PRDM2: variants seen among roughly 807,000 people sequenced by gnomAD.
The protein encoded by PRDM2 is PR/SET domain 2, also known as PR domain zinc finger protein 2.
In PRDM2, 30 loss-of-function variants were observed where a neutral mutation model predicts 130.0. The ratio of observed to expected loss-of-function variants is 0.23; its 90% confidence interval spans 0.17 to 0.31. The LOEUF is 0.31. Among genes scored for constraint, PRDM2 ranks in the 10% least tolerant of loss-of-function variants. The probability of loss-of-function intolerance (pLI) is 1.00; values close to 1 mark genes in which losing one functional copy is unlikely to be tolerated. For missense variants in PRDM2, 2,011 were observed against 2,108.4 expected (o/e 0.95, Z 0.90); for synonymous variants, 871 against 782.4 (o/e 1.11, Z -1.89).
chr1:13,750,432 TTTC>T (rs1301908093), intron 6 of PRDM2, among the ~76,000 whole-genome samples: 1 of 152,108 alleles, frequency 6.6e-6, no homozygotes, highest in Non-Finnish European at 1.5e-5. Flanking sequence ...CTTAAGTAGA[TTTC>T]TTTTTAGTCA....
In PRDM2 at chr1:13,731,063, G is replaced by A; in HGVS notation, c.73G>A (p.Gly25Arg). ...LAEVPEHVLRGLPEEVRLFPS... is the reference protein window; with the variant it reads ...LAEVPEHVLRRLPEEVRLFPS... The stretch of plus-strand genomic sequence containing the variant: ...TGAGGTACCCGAACATGTGCTGCGA[G>A]GACTTCCGGAGGAAGTGAGGCTTTT... The change falls in exon 3 of 10, where the codon GGA (glycine) becomes AGA (arginine). Residue 25 changes from glycine to arginine, a missense_variant. Physicochemically the swap from Gly to Arg is moderately radical, Grantham distance 125. This residue lies in a region of PRDM2 where 79 missense variants were observed against 93.6 expected (regional missense o/e 0.84). Transcript: ENST00000311066. The A allele has an allele frequency of 6.2e-7, 1 of 1,613,050 alleles. No homozygotes were observed. Among genetic ancestry groups the A allele is most frequent in the Non-Finnish European group, 8.5e-7 (1 of 1,179,690 alleles).
Position 13,782,073 on chromosome 1 carries a change from T to A in PRDM2, c.4278T>A (p.Asn1426Lys). Reference protein sequence around the residue: ...KLKLNALKKKNQLVQKAILQK... With the variant: ...KLKLNALKKKKQLVQKAILQK... ...AATTAAATGCATTGAAGAAAAAAAA[T>A]CAGCTAGTACAGAAAGCAATTCTTC... Residue 1426 changes from asparagine (N) to lysine (K), a missense_variant, in exon 8 of 10, where the codon AAT becomes AAA. Physicochemically the swap from Asn to Lys is moderately conservative, Grantham distance 94. Transcript: ENST00000311066. The A allele has an allele frequency of 6.2e-7, 1 of 1,613,664 alleles. No individual in the cohort carries two copies. The highest frequency in any genetic ancestry group is 8.5e-7 in the Non-Finnish European group (1 of 1,179,918).
chr1:13,779,987 G>C lies in PRDM2; in HGVS notation c.2192G>C (p.Ser731Thr), dbSNP rs753209815. Residue 731 changes from serine to threonine, a missense_variant, in exon 8 of 10, where the codon AGT becomes ACT. By Grantham distance (58) the Ser-to-Thr change is moderately conservative. This residue lies in a region of PRDM2 where 1,288 missense variants were observed against 1,237.7 expected (regional missense o/e 1.04). Coordinates refer to ENST00000311066, the MANE Select transcript of PRDM2 (RefSeq NM_001393986.1). This position sits in a 1 kb window ranked among gnomAD's most constrained non-coding sequence, Gnocchi z 4.9. ...GCATCAATGTTGCCTGTGACCTCAA[G>C]TAGGTTTAAGAGGCGGACCAGCTCT... ...APASMLPVTS[S>T]RFKRRTSSPP... The C allele has an allele frequency of 1.2e-6, 2 of 1,614,210 alleles. No individual in the cohort carries two copies. Among genetic ancestry groups the C allele is most frequent in the East Asian group, 4.5e-5 (2 of 44,882 alleles).
intron 6 of PRDM2, among the ~76,000 whole-genome samples, chr1:13,757,399 C>CT (rs1643982969): frequency 6.6e-6 from 1 of 152,088 alleles, no homozygotes; most frequent in African/African-American, 2.4e-5. Flanking sequence ...TAAGACATTG[C>CT]TTTTGCCTAA....
intron 7 of PRDM2, among the ~76,000 whole-genome samples, chr1:13,775,483 C>T (rs973726225): frequency 3.9e-4 from 59 of 152,278 alleles, no homozygotes; most frequent in Non-Finnish European, 5.9e-4. Flanking sequence ...TGACTGGTTT[C>T]CCACTTTGTG....
At chr1:13,751,191 A>G (rs1643824346) in intron 6 of PRDM2, among the ~76,000 whole-genome samples, 1 of 152,204 alleles carries the variant, frequency 6.6e-6, no homozygotes, top group African/African-American at 2.4e-5. Context: ...TATTAGTGAT[A>G]TATGAACTTA....
At chr1:13,715,376 A>G (rs79054615) in intron 1 of PRDM2, among the ~76,000 whole-genome samples, 165 bp from the exon 2 acceptor site, 2,743 of 152,338 alleles carry the variant, frequency 0.018, 64 homozygotes, top group South Asian at 0.12. Flanking sequence ...TTTACTGGAG[A>G]TAATAAATCT....
At chr1:13,762,651 C>G (rs1644126466) in intron 6 of PRDM2, among the ~76,000 whole-genome samples, 1 of 152,174 alleles carries the variant, frequency 6.6e-6, no homozygotes, top group South Asian at 2.1e-4. Context: ...AGCCTCAGCT[C>G]AAGGACAATG....
intron 7 of PRDM2, among the ~76,000 whole-genome samples, chr1:13,777,634 C>CT (rs752788881): frequency 9.8e-5 from 1 of 10,242 alleles, no homozygotes; most frequent in Non-Finnish European, 1.9e-4. Context: ...CTCCTCCTCC[C>CT]ACCCCCCCCC....
In PRDM2 at chr1:13,780,482, A is replaced by G. The variant is rs756985448; in HGVS notation, c.2687A>G (p.Tyr896Cys). ...CTGCAGAAGGTTCTTCTCAATGAAT[A>G]TAATGGCATCGATTTACCTGTAGAA... is the stretch of plus-strand genomic sequence containing the variant. ...CMLQKVLLNEYNGIDLPVENP... is the reference protein window; with the variant it reads ...CMLQKVLLNECNGIDLPVENP... Residue 896 changes from tyrosine (Y) to cysteine (C), a missense_variant, in exon 8 of 10, where the codon TAT (tyrosine) becomes TGT (cysteine). Tyr to Cys is a radical substitution (Grantham distance 194, BLOSUM62 -2). This residue lies in a region of PRDM2 where 1,288 missense variants were observed against 1,237.7 expected (regional missense o/e 1.04). Coordinates refer to ENST00000311066, the MANE Select transcript of PRDM2 (RefSeq NM_001393986.1). 4 of 1,614,238 alleles carry G rather than the reference A, an allele frequency of 2.5e-6. No individual in the cohort carries two copies. The South Asian group carries it at 4.4e-5, about 18-fold the overall frequency.
chr1:13,782,215 G>A lies in PRDM2; in HGVS notation c.4420G>A (p.Ala1474Thr), dbSNP rs778540114. ...TTACATTGGAAGCCTGAATAAACAC[G>A]CCGCCTTCAGCTGTCCCAAAAAACC... The part of the protein sequence containing the change: ...FTYIGSLNKH[A>T]AFSCPKKPLS... The change falls in exon 8 of 10, where the codon GCC becomes ACC. Residue 1474 changes from alanine to threonine, a missense_variant. Transcript: ENST00000311066. The A allele has an allele frequency of 1.2e-5, 19 of 1,612,936 alleles. No individual in the cohort carries two copies. The highest frequency in any genetic ancestry group is 1.2e-4 in the Admixed American group (7 of 59,758).
At chr1:13,805,866 A>G (rs1184085203) in intron 8 of PRDM2, among the ~76,000 whole-genome samples, 1 of 152,088 alleles carries the variant, frequency 6.6e-6, no homozygotes, top group Non-Finnish European at 1.5e-5. Context: ...AGCTTGGAAG[A>G]GCACCGTGGC....
intron 1 of PRDM2, among the ~76,000 whole-genome samples, chr1:13,701,907 A>G (rs887125030): frequency 6.6e-6 from 1 of 152,224 alleles, no homozygotes; most frequent in Non-Finnish European, 1.5e-5. Flanking sequence ...AAAGGTTGGT[A>G]TGTTCAGGTT....
chr1:13,780,544 A>G lies in PRDM2; in HGVS notation c.2749A>G (p.Lys917Glu), dbSNP rs1375381064. 1 of 1,614,116 alleles carries G rather than the reference A, an allele frequency of 6.2e-7. No homozygotes were observed. Among genetic ancestry groups the G allele is most frequent in the East Asian group, 2.2e-5 (1 of 44,876 alleles). The change falls in exon 8 of 10, where the codon AAA (lysine) becomes GAA (glutamate). Residue 917 changes from lysine (K) to glutamate (E), a missense_variant. Lys to Glu is a moderately conservative substitution (Grantham distance 56). This residue lies in a region of PRDM2 where 1,288 missense variants were observed against 1,237.7 expected (regional missense o/e 1.04). Coordinates refer to ENST00000311066, the MANE Select transcript of PRDM2 (RefSeq NM_001393986.1). ...TGGGACCAGGAGCCCAAGTCCTTGT[A>G]AATCCCTAGAAGCTCAGCCAGATCC... Reference protein sequence around the residue: ...ADGTRSPSPCKSLEAQPDPDL... With the variant: ...ADGTRSPSPCESLEAQPDPDL...
chr1:13,806,764 T>A lies in PRDM2; in HGVS notation c.5037-9663T>A, dbSNP rs1461077879. ...TCTGTGCCCAGCACAGCAGCCACTTTGGGTCATGATATTCCTCTGCCCAGA... is the reference window on the plus strand; with the variant it reads ...TCTGTGCCCAGCACAGCAGCCACTTAGGGTCATGATATTCCTCTGCCCAGA... On this transcript the variant is annotated intron_variant, in intron 8 of 9. Transcript: ENST00000311066. The surrounding 1 kb of genome is among the most constrained non-coding windows in gnomAD (Gnocchi z 4.1). 6.6e-6 allele frequency among the ~76,000 whole-genome samples: 1 copy of A among 152,144 alleles called. No homozygotes were observed. The highest frequency in any genetic ancestry group is 2.4e-5 in the African/African-American group (1 of 41,420).
chr1:13,728,034 T>C (rs1024161965), intron 2 of PRDM2, among the ~76,000 whole-genome samples: 30 of 152,210 alleles, frequency 2.0e-4, no homozygotes, highest in African/African-American at 6.3e-4. Context: ...AGGATTCTTA[T>C]ATTGATCCAG....
chr1:13,781,583 A>T lies in PRDM2; in HGVS notation c.3788A>T (p.Asn1263Ile), dbSNP rs1371220400. The T allele has an allele frequency of 6.2e-7, 1 of 1,612,660 alleles. No individual in the cohort carries two copies. The highest frequency in any genetic ancestry group is 8.5e-7 in the Non-Finnish European group (1 of 1,179,754). The change falls in exon 8 of 10, where the codon AAT becomes ATT. Residue 1263 changes from asparagine (N) to isoleucine (I), a missense_variant. By Grantham distance (149) the Asn-to-Ile change is moderately radical. Around this residue, in one of 5 missense-constraint regions of PRDM2, gnomAD observed 229 missense variants for 364.1 expected, o/e 0.63. Coordinates refer to ENST00000311066, the MANE Select transcript of PRDM2 (RefSeq NM_001393986.1). This position sits in a 1 kb window ranked among gnomAD's most constrained non-coding sequence, Gnocchi z 6.1. The stretch of plus-strand genomic sequence containing the variant: ...ACTTCTAAAGAAGAAGAGGAGTTAA[A>T]TGATTCCTCTGAAGAGCTTTACACG... ...LETSKEEEEL[N>I]DSSEELYTTI...
chr1:13,761,816 C>G (rs1644104766), intron 6 of PRDM2, among the ~76,000 whole-genome samples: 1 of 152,142 alleles, frequency 6.6e-6, no homozygotes, highest in Non-Finnish European at 1.5e-5. Flanking sequence ...ACAGCTTACA[C>G]TGTTAGAGCA....
chr1:13,819,969 C>G (rs936655781), intron 9 of PRDM2, among the ~76,000 whole-genome samples: 2 of 152,196 alleles, frequency 1.3e-5, no homozygotes, highest in Non-Finnish European at 2.9e-5. Context: ...CAGTCCATAG[C>G]ACTGTTTAAC....
Sources: allele counts gnomAD v4.1 joint callset (sites outside exome capture counted in the v4.1 genomes callset), GRCh38; gene constraint gnomAD v4.1.1; regional missense constraint gnomAD v4.1.1; non-coding constraint Gnocchi (gnomAD v3.1); transcripts MANE v1.5; gene names NCBI Gene and HGNC (gene_info 2026-07-23, HGNC 2026-07-21).